The following XKR4 variants were observed in gnomAD, a reference collection of about 807,000 sequenced individuals.
XKR4 encodes the protein XK-related protein 4.
A neutral mutation model predicts 53.9 loss-of-function variants in XKR4; 12 were observed. That is an observed-to-expected ratio of 0.22 (90% CI 0.14 to 0.36). The LOEUF is 0.36. Ranked by LOEUF, XKR4 falls within the 10% of genes least tolerant of loss-of-function variation. The pLI is 1.00. For synonymous variants in XKR4, 354 were observed against 362.4 expected, an observed-to-expected ratio of 0.98 and a Z score of 0.26; for missense variants, 799 against 859.5, an observed-to-expected ratio of 0.93 and a Z score of 0.88.
At chr8:55,432,589 T>A (rs988397765) in intron 2 of XKR4, among the ~76,000 whole-genome samples, 4 of 152,184 alleles carry the variant, frequency 2.6e-5, no homozygotes, top group Non-Finnish European at 5.9e-5. Context: ...ATTGAACATA[T>A]CTACACATTA....
At chr8:55,363,916 C>T (rs1022676267) in intron 2 of XKR4, among the ~76,000 whole-genome samples, 1 of 152,264 alleles carries the variant, frequency 6.6e-6, no homozygotes, top group Admixed American at 6.5e-5. Context: ...AACATTTGTA[C>T]TAAAGAAGTT....
Position 55,537,418 on chromosome 8 carries a change from C to G in XKR4, c.*13191C>G, listed in dbSNP as rs919242939. On this transcript the variant is annotated 3_prime_UTR_variant, in exon 3 of 3. Coordinates refer to ENST00000327381, the MANE Select transcript of XKR4 (RefSeq NM_052898.2). ...GCATTGTCTCAAATTTTGTGCTTGC[C>G]TCATTTATGGTCCTGAAGCTTAGCA... The G allele has an allele frequency of 2.0e-5, 3 of 152,132 alleles. No homozygotes were observed. Among genetic ancestry groups the G allele is most frequent in the Admixed American group, 2.0e-4 (3 of 15,276 alleles). The allele number at this position is 152,132 out of a possible 1,614,324, so 9.4% of individuals were successfully genotyped here.
At chr8:55,301,769 T>C (rs1173152463) in intron 1 of XKR4, among the ~76,000 whole-genome samples, 1 of 152,262 alleles carries the variant, frequency 6.6e-6, no homozygotes, top group Non-Finnish European at 1.5e-5. Flanking sequence ...TTTTTTCATG[T>C]GTCTTTTGGC....
At chr8:55,516,324 T>C (rs117450023) in intron 2 of XKR4, among the ~76,000 whole-genome samples, 1,686 of 152,306 alleles carry the variant, frequency 0.011, 20 homozygotes, top group Non-Finnish European at 0.016. Context: ...AATTATGCCT[T>C]TAGGTGAAAA....
intron 1 of XKR4, among the ~76,000 whole-genome samples, chr8:55,279,377 G>C (rs553064916): frequency 6.6e-6 from 1 of 152,156 alleles, no homozygotes; most frequent in East Asian, 1.9e-4. Flanking sequence ...CCCAAATGAT[G>C]CTGAGGTGGG....
chr8:55,145,228 C>T (rs1816756641), intron 1 of XKR4, among the ~76,000 whole-genome samples: 2 of 152,144 alleles, frequency 1.3e-5, no homozygotes, highest in South Asian at 2.1e-4. Flanking sequence ...GTGGTCATCA[C>T]GTTGGTCATT....
rs1483741007 is a variant in XKR4, at chr8:55,477,062, CA to C, written c.1007-46218del. Among the ~76,000 whole-genome samples, 7 of 151,976 alleles carry C rather than the reference CA, an allele frequency of 4.6e-5. No individual in the cohort carries two copies. The Middle Eastern group carries it at 0.01, about 222-fold the overall frequency. On this transcript the variant is annotated intron_variant, in intron 2 of 2. Transcript: ENST00000327381. ...AGAGAGTATTGGTTCTCCCAGCACG[CA>C]GCTTGAGATCTGAGAATGGGCAGAC...
At chr8:55,426,630 G>A (rs1805018634) in intron 2 of XKR4, among the ~76,000 whole-genome samples, 2 of 152,134 alleles carry the variant, frequency 1.3e-5, no homozygotes, top group African/African-American at 2.4e-5. Flanking sequence ...ACGAATGAAT[G>A]AATAAATAAG....
chr8:55,337,455 G>T (rs1803478772), intron 1 of XKR4, among the ~76,000 whole-genome samples: 1 of 152,072 alleles, frequency 6.6e-6, no homozygotes, highest in Non-Finnish European at 1.5e-5. Flanking sequence ...ACTAGTAATT[G>T]CAGTCCTTTC....
chr8:55,203,529 T>A (rs1349925930), intron 1 of XKR4, among the ~76,000 whole-genome samples: 1 of 152,204 alleles, frequency 6.6e-6, no homozygotes, highest in Admixed American at 6.5e-5. Context: ...TAAGATAGGC[T>A]TGGTAGCCTG....
intron 1 of XKR4, among the ~76,000 whole-genome samples, chr8:55,290,554 T>C (rs1426929050): frequency 3.3e-5 from 5 of 152,186 alleles, no homozygotes; most frequent in Admixed American, 3.3e-4. Context: ...ATGCATTAGC[T>C]ATTTTTCCCA....
At chr8:55,194,388 G>A (rs1817479609) in intron 1 of XKR4, among the ~76,000 whole-genome samples, 1 of 152,188 alleles carries the variant, frequency 6.6e-6, no homozygotes, top group Admixed American at 6.5e-5. Flanking sequence ...GCCAAGGCAA[G>A]TAAGGCTCCC....
At chr8:55,119,550 G>T (rs966284654) in intron 1 of XKR4, among the ~76,000 whole-genome samples, 1 of 152,148 alleles carries the variant, frequency 6.6e-6, no homozygotes, top group Admixed American at 6.5e-5. Context: ...CAACTTGGGC[G>T]CTCTCTTAAG....
At chr8:55,164,582 T>A (rs1010976772) in intron 1 of XKR4, 1 of 380,160 alleles carries the variant, frequency 2.6e-6, no homozygotes, top group African/African-American at 2.1e-5. Context: ...TGAATGCCCA[T>A]GGGCCTAGCC....
In XKR4 at chr8:55,348,697, C is replaced by A. The variant is rs551080270; in HGVS notation, c.807-8981C>A. Among the ~76,000 whole-genome samples the A allele has an allele frequency of 4.0e-5, 6 of 151,086 alleles. 1 individual carries two copies. The South Asian group carries it at 1.3e-3, about 32-fold the overall frequency. On this transcript the variant is annotated intron_variant, in intron 1 of 2. Transcript: ENST00000327381. ...AGAGAGAGACAGACAAACATACACA[C>A]ACACACACACACACACACACACACA...
intron 2 of XKR4, among the ~76,000 whole-genome samples, chr8:55,443,530 TA>T (rs751152509): frequency 0.034 from 2,521 of 73,852 alleles, 66 homozygotes; most frequent in African/African-American, 0.11. Flanking sequence ...TCAGTTACAT[TA>T]AAAAAAAAAA....
chr8:55,118,266 A>G (rs1197579713), intron 1 of XKR4, among the ~76,000 whole-genome samples: 1 of 152,252 alleles, frequency 6.6e-6, no homozygotes, highest in Admixed American at 6.5e-5. Flanking sequence ...GTACTAAAGA[A>G]TGCTAAGTAT....
At chr8:55,139,684 T>A (rs1413504031) in intron 1 of XKR4, among the ~76,000 whole-genome samples, 3 of 150,820 alleles carry the variant, frequency 2.0e-5, no homozygotes, top group African/African-American at 7.4e-5. Flanking sequence ...TTTTTTTTTT[T>A]AACAATGCTT....
intron 2 of XKR4, among the ~76,000 whole-genome samples, chr8:55,385,664 T>C (rs1298520727): frequency 6.6e-6 from 1 of 152,218 alleles, no homozygotes; most frequent in Non-Finnish European, 1.5e-5. Flanking sequence ...CTTTGAAATA[T>C]CGGTCATTAG....
Sources: allele counts gnomAD v4.1 joint callset (sites outside exome capture counted in the v4.1 genomes callset), GRCh38; gene constraint gnomAD v4.1.1; transcripts MANE v1.5; gene names NCBI Gene and HGNC (gene_info 2026-07-23, HGNC 2026-07-21).